DGLUCY: variants seen among roughly 807,000 people sequenced by gnomAD.
DGLUCY encodes D-glutamate cyclase.
A neutral mutation model predicts 58.5 loss-of-function variants in DGLUCY; 58 were observed. That is an observed-to-expected ratio of 0.99 (90% CI 0.80 to 1.23). DGLUCY has a LOEUF of 1.23. Ranked by LOEUF, DGLUCY falls within the 50% of genes most tolerant of loss-of-function variation. The pLI is 0.00. For synonymous variants in DGLUCY, 325 were observed against 314.1 expected (o/e 1.03, Z -0.37); for missense variants, 779 against 784.7 (o/e 0.99, Z 0.09).
chr14:91,062,248 T>C (rs910881712), intron 1 of DGLUCY, among the ~76,000 whole-genome samples: 1 of 151,958 alleles, frequency 6.6e-6, no homozygotes, highest in African/African-American at 2.4e-5. Flanking sequence ...TTTGAATCAC[T>C]TAAAAATATA....
At chr14:91,150,072 A>G (rs1418835969) in intron 1 of DGLUCY, among the ~76,000 whole-genome samples, 3 of 152,010 alleles carry the variant, frequency 2.0e-5, no homozygotes, top group Non-Finnish European at 4.4e-5. Flanking sequence ...TACAAAAATT[A>G]GCCAGGCATG....
At position 91,062,977 on chromosome 14, in the gene DGLUCY, C is replaced by G. The variant is rs140330399; in HGVS notation, c.-82+2273C>G. Among the ~76,000 whole-genome samples, 882 of 152,256 alleles carry G rather than the reference C, an allele frequency of 5.8e-3. 4 individuals carry two copies. Among genetic ancestry groups the G allele is most frequent in the Admixed American group, 0.014 (211 of 15,284 alleles). On this transcript the variant is annotated intron_variant, in intron 1 of 4. Coordinates refer to the DGLUCY transcript ENST00000521334. ...AGCAAAACAGATGCAGTCCTTGCTC[C>G]TATAGAGCCTACAGTCTAGCAACAG... is the stretch of plus-strand genomic sequence containing the variant.
intron 9 of DGLUCY, among the ~76,000 whole-genome samples, chr14:91,193,492 T>C (rs1279369743): frequency 6.6e-6 from 1 of 152,190 alleles, no homozygotes; most frequent in Non-Finnish European, 1.5e-5. Context: ...AAAAGCAATT[T>C]GGCCTTTTAA....
intron 1 of DGLUCY, among the ~76,000 whole-genome samples, chr14:91,097,844 T>G (rs1230108124): frequency 6.6e-6 from 1 of 152,210 alleles, no homozygotes; most frequent in Non-Finnish European, 1.5e-5. Context: ...CAGCTAATTT[T>G]GCCTCCTCCT....
intron 8 of DGLUCY, among the ~76,000 whole-genome samples, chr14:91,187,425 C>T (rs556973934): frequency 1.7e-4 from 26 of 152,334 alleles, no homozygotes; most frequent in African/African-American, 5.5e-4. Context: ...ACTGCCTTCG[C>T]GTGCACTGTT....
At chr14:91,129,483 C>CCCAG (rs2045910795) in intron 1 of DGLUCY, among the ~76,000 whole-genome samples, 1 of 151,854 alleles carries the variant, frequency 6.6e-6, no homozygotes, top group African/African-American at 2.4e-5. Flanking sequence ...TACCTGTAAT[C>CCCAG]CCAGCACTTT....
intron 9 of DGLUCY, among the ~76,000 whole-genome samples, chr14:91,190,978 C>T (rs1018958511): frequency 6.6e-6 from 1 of 152,120 alleles, no homozygotes; most frequent in Non-Finnish European, 1.5e-5. Context: ...TCCCTTCAGC[C>T]GCACTTCTGA....
At chr14:91,086,160 C>G (rs1273623360) in intron 1 of DGLUCY, among the ~76,000 whole-genome samples, 1 of 152,144 alleles carries the variant, frequency 6.6e-6, no homozygotes, top group Non-Finnish European at 1.5e-5. Context: ...TCCCATCACC[C>G]CCAGATGGAA....
Position 91,160,413 on chromosome 14 carries a change from TA to T in DGLUCY, c.103+17del. 8.3e-6 allele frequency: 7 copies of T among 845,238 alleles called. No individual in the cohort carries two copies. The highest frequency in any genetic ancestry group is 2.8e-5 in the African/African-American group (1 of 35,984). 52.4% of individuals were successfully genotyped at this position (845,238 alleles called of 1,614,324 possible). ...ATGGCTGGAGGTAAGTGGTGCCAGA[TA>T]GTTAAAAAAAAAAAAAAAAAAAAAA... On this transcript the variant is annotated intron_variant, in intron 3 of 13. Coordinates refer to ENST00000256324, the MANE Select transcript of DGLUCY (RefSeq NM_001102368.3).
intron 1 of DGLUCY, among the ~76,000 whole-genome samples, chr14:91,144,612 G>A (rs921218731): frequency 4.6e-5 from 7 of 152,134 alleles, no homozygotes; most frequent in African/African-American, 1.7e-4. Flanking sequence ...TAGATCTCAG[G>A]AATCCATCCC....
rs138255325 is a variant in DGLUCY at position 91,211,528 on chromosome 14, A to G, written c.1565-3877A>G. ...AGACAGCCCAGAAGTAGACCCACAC[A>G]AATAGGGCCACACAATGTTTGACAA... On this transcript the variant is annotated intron_variant, in intron 12 of 13. Transcript: ENST00000256324. 5.7e-3 allele frequency among the ~76,000 whole-genome samples: 872 copies of G among 152,354 alleles called. 4 individuals carry two copies. Among genetic ancestry groups the G allele is most frequent in the Non-Finnish European group, 8.9e-3 (604 of 68,018 alleles).
intron 1 of DGLUCY, among the ~76,000 whole-genome samples, chr14:91,086,200 G>T (rs1393835670): frequency 6.6e-6 from 1 of 152,098 alleles, no homozygotes; most frequent in East Asian, 1.9e-4. Context: ...CAAGGTCAGG[G>T]CTCCCACTGA....
chr14:91,192,496 A>G (rs887585518), intron 9 of DGLUCY, among the ~76,000 whole-genome samples: 3 of 152,326 alleles, frequency 2.0e-5, no homozygotes, highest in South Asian at 4.1e-4. Flanking sequence ...CAGGCCGGGC[A>G]CAGTGACTCA....
intron 1 of DGLUCY, among the ~76,000 whole-genome samples, chr14:91,119,207 T>C (rs1241973176): frequency 6.6e-6 from 1 of 151,952 alleles, no homozygotes; most frequent in Non-Finnish European, 1.5e-5. Context: ...GCTTCCTCCA[T>C]CTTGTTGCTC....
At chr14:91,140,526 C>T (rs1373340855) in intron 1 of DGLUCY, among the ~76,000 whole-genome samples, 1 of 152,032 alleles carries the variant, frequency 6.6e-6, no homozygotes, top group Non-Finnish European at 1.5e-5. Context: ...CAAACATTAG[C>T]CAGGCATGAT....
chr14:91,146,705 A>C (rs139734969), intron 1 of DGLUCY, among the ~76,000 whole-genome samples: 4 of 152,272 alleles, frequency 2.6e-5, no homozygotes, highest in Non-Finnish European at 5.9e-5. Context: ...AAAAACATGG[A>C]AACTCAGAAT....
At chr14:91,146,997 T>C (rs1460337647) in intron 1 of DGLUCY, among the ~76,000 whole-genome samples, 1 of 151,968 alleles carries the variant, frequency 6.6e-6, no homozygotes, top group African/African-American at 2.4e-5. Context: ...AGAAGTCCCC[T>C]GTAGAATGGT....
At chr14:91,192,091 G>A (rs991243594) in intron 9 of DGLUCY, among the ~76,000 whole-genome samples, 14 of 152,130 alleles carry the variant, frequency 9.2e-5, no homozygotes, top group Non-Finnish European at 1.3e-4. Flanking sequence ...CTTTATTTGC[G>A]ACAGTCATGA....
intron 1 of DGLUCY, among the ~76,000 whole-genome samples, chr14:91,143,550 C>T (rs1171460278): frequency 6.6e-6 from 1 of 152,196 alleles, no homozygotes; most frequent in Non-Finnish European, 1.5e-5. Context: ...TCCACACGCT[C>T]TGCCTTTCTG....
Sources: allele counts gnomAD v4.1 joint callset (sites outside exome capture counted in the v4.1 genomes callset), GRCh38; gene constraint gnomAD v4.1.1; transcripts MANE v1.5; gene names NCBI Gene and HGNC (gene_info 2026-07-23, HGNC 2026-07-21).